GTPBP1: variants seen among roughly 807,000 people sequenced by gnomAD.
GTPBP1 encodes GTP-binding protein 1.
In GTPBP1, 23 loss-of-function variants were observed where a neutral mutation model predicts 62.0. That is an observed-to-expected ratio of 0.37 (90% CI 0.27 to 0.53). The LOEUF (loss-of-function observed/expected upper bound fraction) is 0.53. Ranked by LOEUF, GTPBP1 falls within the 20% of genes least tolerant of loss-of-function variation. The pLI, the probability that GTPBP1 is intolerant of heterozygous loss-of-function variation, is 0.89. For missense variants in GTPBP1, 640 were observed against 917.3 expected, an observed-to-expected ratio of 0.70 and a Z score of 3.90; for synonymous variants, 344 against 364.4, an observed-to-expected ratio of 0.94 and a Z score of 0.64.
intron 11 of GTPBP1, among the ~76,000 whole-genome samples, chr22:38,729,881 T>C (rs546816039): frequency 1.3e-5 from 2 of 152,328 alleles, no homozygotes; most frequent in South Asian, 2.1e-4. Context: ...ACCAGTTTAA[T>C]TGGCCCTAAC....
chr22:38,728,789 T>A (rs888694980), intron 10 of GTPBP1: 2 of 153,708 alleles, frequency 1.3e-5, no homozygotes, highest in Non-Finnish European at 2.9e-5. Context: ...CTCCTGGGAC[T>A]GCTGAGTTTG....
At chr22:38,738,527 A>G (rs1344954806), downstream of GTPBP1, 2 of 1,577,072 alleles carry the variant, frequency 1.3e-6, no homozygotes, top group East Asian at 2.3e-5. This position sits in a 1 kb window ranked among gnomAD's most constrained non-coding sequence, Gnocchi z 6.6. Flanking sequence ...GATCCTCAGT[A>G]GAGAGGCCCA....
chr22:38,738,868 C>T, downstream of GTPBP1: 1 of 1,599,464 alleles, frequency 6.3e-7, no homozygotes. The surrounding 1 kb of genome is among the most constrained non-coding windows in gnomAD (Gnocchi z 6.6). Context: ...TTGCCAGGTG[C>T]CCACCTGGAG....
At chr22:38,737,982 T>C, downstream of GTPBP1, 1 of 711,522 alleles carries the variant, frequency 1.4e-6, no homozygotes, top group Non-Finnish European at 2.6e-6. The surrounding 1 kb of genome is among the most constrained non-coding windows in gnomAD (Gnocchi z 4.1). Context: ...TTCTGGAAGG[T>C]GCCTTCCCCT....
Position 38,708,830 on chromosome 22 carries a change from T to G in GTPBP1, c.193-15T>G. 1 of 1,441,240 alleles carries G rather than the reference T, an allele frequency of 6.9e-7. No homozygotes were observed. Among genetic ancestry groups the G allele is most frequent in the Non-Finnish European group, 9.8e-7 (1 of 1,021,966 alleles). The allele number at this position is 1,441,240 out of a possible 1,614,324, so 89.3% of individuals were successfully genotyped here. ...CTAGCAAGTGTGGTCCTAAGGCTGT[T>G]GGTTTCTTTTCTAGCTGGTTCTAGT... is the stretch of plus-strand genomic sequence containing the variant. On this transcript the variant is annotated splice_polypyrimidine_tract_variant and intron_variant, in intron 1 of 11. Coordinates refer to ENST00000216044, the MANE Select transcript of GTPBP1 (RefSeq NM_004286.5).
At chr22:38,736,277 G>A, downstream of GTPBP1, 1 of 1,612,960 alleles carries the variant, frequency 6.2e-7, no homozygotes, top group Middle Eastern at 1.7e-4. Flanking sequence ...CTAGTGGGCG[G>A]GCTCCCCATG....
chr22:38,721,894 C>T, intron 5 of GTPBP1, 29 bp downstream of exon 5: 1 of 1,548,396 alleles, frequency 6.5e-7, no homozygotes, highest in Non-Finnish European at 8.8e-7. Flanking sequence ...TAGCAGCAGC[C>T]CCTCTGATTG....
intron 1 of GTPBP1, 45 bp from the exon 2 acceptor site, chr22:38,708,800 C>G (rs755717621): frequency 2.9e-6 from 3 of 1,042,992 alleles, no homozygotes; most frequent in South Asian, 2.5e-5. Context: ...GGCTGTGGTG[C>G]TCTTCTAGCA....
At chr22:38,714,250 G>T (rs913786079) in intron 2 of GTPBP1, among the ~76,000 whole-genome samples, 7 of 152,080 alleles carry the variant, frequency 4.6e-5, no homozygotes, top group African/African-American at 1.7e-4. Flanking sequence ...AGGCCAAGGC[G>T]GGCAGATCAC....
chr22:38,715,527 A>G (rs2092664684), intron 2 of GTPBP1, among the ~76,000 whole-genome samples: 1 of 152,092 alleles, frequency 6.6e-6, no homozygotes, highest in African/African-American at 2.4e-5. Context: ...TTCTCTTCAC[A>G]CAGTCCTAGA....
chr22:38,716,334 CTG>C lies in GTPBP1; in HGVS notation c.485+250_485+251del. The C allele has an allele frequency of 1.7e-6, 1 of 586,038 alleles. No homozygotes were observed. The highest frequency in any genetic ancestry group is 3.0e-6 in the Non-Finnish European group (1 of 330,770). The allele number at this position is 586,038 out of a possible 1,614,324, so 36.3% of individuals were successfully genotyped here. A position where few individuals can be genotyped will look rare whatever the true frequency, so the allele number is the denominator to read the frequency against. On this transcript the variant is annotated intron_variant, in intron 3 of 11. Coordinates refer to ENST00000216044, the MANE Select transcript of GTPBP1 (RefSeq NM_004286.5). The surrounding 1 kb of genome is among the most constrained non-coding windows in gnomAD (Gnocchi z 5.2). ...TGGGTGTGTTTCTTTTCCCTTCAGC[CTG>C]TGAGCCTGGAAACCAGGGTCATGGA...
chr22:38,727,081 G>A lies in GTPBP1; in HGVS notation c.1402-132G>A. Reference sequence around the variant, plus strand: ...TGCTGTCCACCCTAGAAGGCCTGTGGTCCAGTTGGTGAGGAAACCAGGCAG... The same window carrying A: ...TGCTGTCCACCCTAGAAGGCCTGTGATCCAGTTGGTGAGGAAACCAGGCAG... On this transcript the variant is annotated intron_variant, in intron 8 of 11. Coordinates refer to ENST00000216044, the MANE Select transcript of GTPBP1 (RefSeq NM_004286.5). The surrounding 1 kb of genome is among the most constrained non-coding windows in gnomAD (Gnocchi z 6.5). 1.2e-6 allele frequency: 1 copy of A among 819,216 alleles called. No homozygotes were observed. Among genetic ancestry groups the A allele is most frequent in the Non-Finnish European group, 1.9e-6 (1 of 535,272 alleles). The allele number at this position is 819,216 out of a possible 1,614,324, so 50.7% of individuals were successfully genotyped here.
chr22:38,717,138 A>C, intron 4 of GTPBP1, 138 bp downstream of exon 4: 1 of 611,076 alleles, frequency 1.6e-6, no homozygotes. Flanking sequence ...CGAGTTTTGC[A>C]GGGGTGCCCA....
At chr22:38,707,974 G>T (rs1389807691) in intron 1 of GTPBP1, among the ~76,000 whole-genome samples, 3 of 152,054 alleles carry the variant, frequency 2.0e-5, no homozygotes, top group Non-Finnish European at 4.4e-5. Flanking sequence ...GTGAATAGTG[G>T]TGGCTAGTTT....
At chr22:38,723,334 G>T in intron 5 of GTPBP1, 1 of 826,198 alleles carries the variant, frequency 1.2e-6, no homozygotes, top group African/African-American at 1.7e-5. Context: ...GGTATGAGGA[G>T]CTGGTGCTAA....
chr22:38,722,863 T>C (rs1603190996), intron 5 of GTPBP1: 5 of 1,458,894 alleles, frequency 3.4e-6, no homozygotes, highest in African/African-American at 2.8e-5. Context: ...TGGAACGCCT[T>C]CACCAAGTGG....
intron 4 of GTPBP1, among the ~76,000 whole-genome samples, chr22:38,717,461 G>A (rs1385575578): frequency 6.6e-6 from 1 of 152,140 alleles, no homozygotes; most frequent in Non-Finnish European, 1.5e-5. Flanking sequence ...GTGGCCTCCT[G>A]GAGCCTGGGA....
chr22:38,709,160 C>T (rs2092623786), intron 2 of GTPBP1, among the ~76,000 whole-genome samples: 2 of 152,022 alleles, frequency 1.3e-5, no homozygotes, highest in African/African-American at 4.8e-5. Flanking sequence ...TTAGTGGTGG[C>T]AGGCGCCTGT....
chr22:38,708,913 C>T lies in GTPBP1; in HGVS notation c.261C>T (p.Asp87=), dbSNP rs1032601804. ...TTCGGCAGATGTGGGAGAGGATGGA[C>T]GAGGGATGCGGAGAGACCATATATG... ...SLLRQMWERM[D]EGCGETIYVI... Residue 87 remains aspartate (D), a synonymous_variant, in exon 2 of 12, where the codon GAC becomes GAT. Coordinates refer to ENST00000216044, the MANE Select transcript of GTPBP1 (RefSeq NM_004286.5). 3.1e-6 allele frequency: 5 copies of T among 1,608,590 alleles called. No homozygotes were observed. The highest frequency in any genetic ancestry group is 1.7e-5 in the Admixed American group (1 of 59,986).
Sources: allele counts gnomAD v4.1 joint callset (sites outside exome capture counted in the v4.1 genomes callset), GRCh38; gene constraint gnomAD v4.1.1; non-coding constraint Gnocchi (gnomAD v3.1); transcripts MANE v1.5; gene names NCBI Gene and HGNC (gene_info 2026-07-23, HGNC 2026-07-21).